The following CTNNA2 variants were observed in gnomAD, a reference collection of about 807,000 sequenced individuals.
CTNNA2 encodes the protein catenin alpha-2.
A neutral mutation model predicts 101.0 loss-of-function variants in CTNNA2; 42 were observed. That is an observed-to-expected ratio of 0.42 (90% CI 0.32 to 0.54). The LOEUF is 0.54. Among genes scored for constraint, CTNNA2 ranks in the 20% least tolerant of loss-of-function variants. The pLI is 0.14. For missense variants in CTNNA2, 871 were observed against 1,223.1 expected (o/e 0.71, Z 4.29); for synonymous variants, 450 against 456.4 (o/e 0.99, Z 0.18).
chr2:79,894,605 G>T (rs2974173), intron 6 of CTNNA2, among the ~76,000 whole-genome samples: 39,249 of 151,902 alleles, frequency 0.26, 5,507 homozygotes, highest in Middle Eastern at 0.36. Context: ...TGGCCCTCAT[G>T]GGAGTTCCTC....
chr2:80,018,375 C>A (rs140282315), intron 7 of CTNNA2, among the ~76,000 whole-genome samples: 2 of 152,134 alleles, frequency 1.3e-5, no homozygotes, highest in Admixed American at 1.3e-4. Context: ...GAAACGGCTC[C>A]CTTTAGATCA....
At chr2:79,470,713 G>T (rs1397161754) in intron 4 of CTNNA2, among the ~76,000 whole-genome samples, 1 of 152,134 alleles carries the variant, frequency 6.6e-6, no homozygotes, top group Non-Finnish European at 1.5e-5. Context: ...TGCAACCGTT[G>T]CGTCCACCTC....
intron 6 of CTNNA2, among the ~76,000 whole-genome samples, chr2:79,883,516 G>A (rs1434108): frequency 0.91 from 139,001 of 152,264 alleles, 63,603 homozygotes; most frequent in African/African-American, 0.97. Context: ...CCTCTGTTTA[G>A]ATGTGGCAGC....
At chr2:79,397,977 A>G (rs1392906184) in intron 4 of CTNNA2, among the ~76,000 whole-genome samples, 9 of 152,198 alleles carry the variant, frequency 5.9e-5, no homozygotes, top group Non-Finnish European at 1.2e-4. Context: ...TAAGTGGATG[A>G]ATAAATAGAT....
chr2:79,929,642 G>A (rs1431949856), intron 7 of CTNNA2, among the ~76,000 whole-genome samples: 2 of 152,168 alleles, frequency 1.3e-5, no homozygotes, highest in Non-Finnish European at 2.9e-5. Context: ...TTCTAGACAT[G>A]CATCTGTTGG....
chr2:80,618,211 G>A (rs530306619), intron 17 of CTNNA2, among the ~76,000 whole-genome samples: 5 of 151,824 alleles, frequency 3.3e-5, no homozygotes, highest in East Asian at 3.9e-4. Flanking sequence ...AGCAGAAATC[G>A]TCCATGACAA....
intron 9 of CTNNA2, among the ~76,000 whole-genome samples, chr2:80,532,907 T>G (rs1558557146): frequency 6.6e-6 from 1 of 152,116 alleles, no homozygotes; most frequent in Non-Finnish European, 1.5e-5. Context: ...ACCCCAGAGG[T>G]AAGGGCAGAT....
intron 3 of CTNNA2, among the ~76,000 whole-genome samples, chr2:79,754,580 G>A (rs899766678): frequency 6.6e-6 from 1 of 152,152 alleles, no homozygotes; most frequent in African/African-American, 2.4e-5. Flanking sequence ...GCAGGGGTCA[G>A]CCTCTCTAAA....
At chr2:79,235,763 G>A (rs981832707) in intron 2 of CTNNA2, among the ~76,000 whole-genome samples, 6 of 152,158 alleles carry the variant, frequency 3.9e-5, no homozygotes, top group South Asian at 2.1e-4. Context: ...TCTGCTGTCC[G>A]GATGCTTCAC....
At chr2:79,375,746 A>G (rs1392320319) in intron 4 of CTNNA2, among the ~76,000 whole-genome samples, 1 of 152,188 alleles carries the variant, frequency 6.6e-6, no homozygotes, top group Non-Finnish European at 1.5e-5. Flanking sequence ...TAATTTTTTA[A>G]AATTAGATTA....
chr2:79,916,264 C>T (rs946021571), intron 7 of CTNNA2, among the ~76,000 whole-genome samples: 2 of 152,068 alleles, frequency 1.3e-5, no homozygotes, highest in Non-Finnish European at 2.9e-5. Context: ...TGCATTCTAA[C>T]GCAAAATTAA....
At chr2:79,414,731 G>T (rs183181133) in intron 4 of CTNNA2, among the ~76,000 whole-genome samples, 7 of 152,072 alleles carry the variant, frequency 4.6e-5, no homozygotes, top group Non-Finnish European at 7.4e-5. Context: ...AGATGCAAAA[G>T]CTAGGCTAGT....
intron 2 of CTNNA2, among the ~76,000 whole-genome samples, chr2:79,658,505 A>G (rs534490211): frequency 6.6e-6 from 1 of 152,190 alleles, no homozygotes; most frequent in African/African-American, 2.4e-5. Context: ...TTTAGAAAAA[A>G]TATTTTAATG....
At chr2:79,288,085 A>G (rs1675670076) in intron 2 of CTNNA2, among the ~76,000 whole-genome samples, 2 of 152,194 alleles carry the variant, frequency 1.3e-5, no homozygotes, top group African/African-American at 4.8e-5. Flanking sequence ...CAAGTGAGGC[A>G]ATGCCTCGCC....
intron 7 of CTNNA2, among the ~76,000 whole-genome samples, chr2:80,050,049 G>A (rs1696777212): frequency 6.6e-6 from 1 of 152,080 alleles, no homozygotes; most frequent in South Asian, 2.1e-4. Flanking sequence ...AACACACTAA[G>A]ATAGAGTAGG....
At chr2:80,407,585 C>T (rs574445057) in intron 8 of CTNNA2, among the ~76,000 whole-genome samples, 5 of 152,300 alleles carry the variant, frequency 3.3e-5, no homozygotes, top group Admixed American at 1.3e-4. Context: ...CCCTTTACAG[C>T]GGAGAGTCTG....
At chr2:79,807,739 T>C (rs1676691525) in intron 3 of CTNNA2, among the ~76,000 whole-genome samples, 1 of 152,168 alleles carries the variant, frequency 6.6e-6, no homozygotes, top group African/African-American at 2.4e-5. Flanking sequence ...GTTACAGCTG[T>C]CCCATTTGGC....
At chr2:79,201,053 A>C (rs2104179839) in intron 2 of CTNNA2, among the ~76,000 whole-genome samples, 1 of 152,248 alleles carries the variant, frequency 6.6e-6, no homozygotes, top group East Asian at 1.9e-4. Context: ...TTGTTATGTA[A>C]ATAAAACCCC....
chr2:79,539,217 T>C (rs1673256388), intron 1 of CTNNA2, among the ~76,000 whole-genome samples: 1 of 152,178 alleles, frequency 6.6e-6, no homozygotes, highest in African/African-American at 2.4e-5. Context: ...AATATATTAA[T>C]AGGAGTGAGG....
Sources: allele counts gnomAD v4.1 joint callset (sites outside exome capture counted in the v4.1 genomes callset), GRCh38; gene constraint gnomAD v4.1.1; transcripts MANE v1.5; gene names NCBI Gene and HGNC (gene_info 2026-07-23, HGNC 2026-07-21).